Variants in PCDHGA10 observed in about 807,000 individuals in gnomAD.
The protein encoded by PCDHGA10 is protocadherin gamma-A10.
PCDHGA10 carries 42 observed loss-of-function variants against 59.5 expected under a neutral mutation model. That is an observed-to-expected ratio of 0.71 (90% CI 0.55 to 0.91). The LOEUF (loss-of-function observed/expected upper bound fraction) is 0.91, where lower values mean the gene tolerates loss of function less well. PCDHGA10 is among the 40% of genes least tolerant of loss of function. The pLI, the probability that PCDHGA10 is intolerant of heterozygous loss-of-function variation, is 0.00. For missense variants in PCDHGA10, 1,111 were observed against 1,198.2 expected (o/e 0.93, Z 1.07); for synonymous variants, 511 against 517.2 (o/e 0.99, Z 0.16).
At position 141,489,876 on chromosome 5, in the gene PCDHGA10, T is replaced by C. The variant is rs2099693265; in HGVS notation, c.2437-4931T>C. ...CCCAGGCAAGACATCAGCTGGTGCT[T>C]ACTGCTGTGGATGGGGGGACCCCAG... On this transcript the variant is annotated intron_variant, in intron 1 of 3. Transcript: ENST00000398610. This position sits in a 1 kb window ranked among gnomAD's most constrained non-coding sequence, Gnocchi z 4.5. The C allele has an allele frequency of 6.2e-7, 1 of 1,614,098 alleles. No homozygotes were observed. The highest frequency in any genetic ancestry group is 1.1e-5 in the South Asian group (1 of 91,094).
rs147522770 is a variant in PCDHGA10, at chr5:141,504,573, C to T, written c.2496-820C>T. On this transcript the variant is annotated intron_variant, in intron 2 of 3. Coordinates refer to ENST00000398610, the MANE Select transcript of PCDHGA10 (RefSeq NM_018913.3). ...TGGGGGACTGGCATTCTAGGGAACA[C>T]CATCTGCCCAGGATTCACAGCAAGA... Among the ~76,000 whole-genome samples the T allele has an allele frequency of 5.4e-5, 8 of 148,158 alleles. No individual in the cohort carries two copies. In the East Asian group the frequency reaches 1.6e-3, roughly 30 times the overall value.
chr5:141,487,438 G>A lies in PCDHGA10; in HGVS notation c.2437-7369G>A, dbSNP rs2154580826. 6 of 1,614,174 alleles carry A rather than the reference G, an allele frequency of 3.7e-6. No individual in the cohort carries two copies. Among genetic ancestry groups the A allele is most frequent in the East Asian group, 2.2e-5 (1 of 44,866 alleles). On this transcript the variant is annotated intron_variant, in intron 1 of 3. Transcript: ENST00000398610. This position sits in a 1 kb window ranked among gnomAD's most constrained non-coding sequence, Gnocchi z 5.0. The stretch of plus-strand genomic sequence containing the variant: ...ATGGGATCCTCCGAATCCAGCTAGG[G>A]TCAGATGACCCTATCAAGTTTGTTG...
In PCDHGA10 at chr5:141,487,265, G is replaced by A; in HGVS notation, c.2437-7542G>A. 2 of 1,614,158 alleles carry A rather than the reference G, an allele frequency of 1.2e-6. 1 individual carries two copies. Among genetic ancestry groups the A allele is most frequent in the South Asian group, 2.2e-5 (2 of 91,084 alleles). On this transcript the variant is annotated intron_variant, in intron 1 of 3. Transcript: ENST00000398610. The surrounding 1 kb of genome is among the most constrained non-coding windows in gnomAD (Gnocchi z 5.0). Reference sequence around the variant, plus strand: ...AACCCTCTACTTGGCTGTGTCCCTAGTGGCAATTTGCTTTGTCTCCTTTGG... The same window carrying A: ...AACCCTCTACTTGGCTGTGTCCCTAATGGCAATTTGCTTTGTCTCCTTTGG...
chr5:141,494,844 C>T lies in PCDHGA10; in HGVS notation c.2474C>T (p.Ala825Val). The change falls in exon 2 of 4, where the codon GCC becomes GTC. Residue 825 changes from alanine to valine, a missense_variant. Ala to Val is a moderately conservative substitution (Grantham distance 64). Coordinates refer to ENST00000398610, the MANE Select transcript of PCDHGA10 (RefSeq NM_018913.3). ...PPNTDWRFSQ[A>V]QRPGTSGSQN... The stretch of plus-strand genomic sequence containing the variant: ...AACACGGACTGGCGTTTCTCTCAGG[C>T]CCAGAGACCCGGCACCAGCGGGTAG... The T allele has an allele frequency of 6.2e-7, 1 of 1,614,190 alleles. No homozygotes were observed. The highest frequency in any genetic ancestry group is 8.5e-7 in the Non-Finnish European group (1 of 1,180,028).
chr5:141,508,062 C>T (rs910730855), intron 3 of PCDHGA10: 2 of 152,316 alleles, frequency 1.3e-5, no homozygotes, highest in African/African-American at 4.8e-5. Flanking sequence ...TAATCAGCCT[C>T]CTTGGGCTAC....
intron 1 of PCDHGA10, chr5:141,417,592 TG>T: frequency 2.1e-6 from 1 of 485,078 alleles, no homozygotes; most frequent in Non-Finnish European, 3.5e-6. Context: ...ACAGAGCCTC[TG>T]GGCGCCGCCG....
In PCDHGA10 at chr5:141,489,307, T is replaced by A; in HGVS notation, c.2437-5500T>A. On this transcript the variant is annotated intron_variant, in intron 1 of 3. Transcript: ENST00000398610. The surrounding 1 kb of genome is among the most constrained non-coding windows in gnomAD (Gnocchi z 4.5). ...AGTGCTGTGCATGTTGTCCTTGTGCTGCTGGGGCTGGGTGTCTGGGCAGCT... is the reference window on the plus strand; with the variant it reads ...AGTGCTGTGCATGTTGTCCTTGTGCAGCTGGGGCTGGGTGTCTGGGCAGCT... The A allele has an allele frequency of 6.3e-7, 1 of 1,591,138 alleles. No individual in the cohort carries two copies. The highest frequency in any genetic ancestry group is 8.6e-7 in the Non-Finnish European group (1 of 1,168,222).
In PCDHGA10 at chr5:141,476,789, T is replaced by A. The variant is rs762462741; in HGVS notation, c.2437-18018T>A. On this transcript the variant is annotated intron_variant, in intron 1 of 3. Coordinates refer to ENST00000398610, the MANE Select transcript of PCDHGA10 (RefSeq NM_018913.3). The surrounding 1 kb of genome is among the most constrained non-coding windows in gnomAD (Gnocchi z 7.6). ...GTTGGACGGAGGGACCCCAGCTCTCTCCGCCAGCCTGCCTATTCACATCAA... is the reference window on the plus strand; with the variant it reads ...GTTGGACGGAGGGACCCCAGCTCTCACCGCCAGCCTGCCTATTCACATCAA... 1.3e-5 allele frequency: 21 copies of A among 1,613,374 alleles called. No individual in the cohort carries two copies. Among genetic ancestry groups the A allele is most frequent in the Non-Finnish European group, 1.7e-5 (20 of 1,180,016 alleles).
chr5:141,423,816 T>C lies in PCDHGA10; in HGVS notation c.2436+8205T>C, dbSNP rs1205974775. ...TTAGAGCAATACATGTGAGTTTTACTTTGCCTTTCATGAGATTACGATAAT... is the reference window on the plus strand; with the variant it reads ...TTAGAGCAATACATGTGAGTTTTACCTTGCCTTTCATGAGATTACGATAAT... On this transcript the variant is annotated intron_variant, in intron 1 of 3. Transcript: ENST00000398610. 3 of 1,273,904 alleles carry C rather than the reference T, an allele frequency of 2.4e-6. No individual in the cohort carries two copies. The African/African-American group carries it at 4.7e-5, about 20-fold the overall frequency. 78.9% of individuals were successfully genotyped at this position (1,273,904 alleles called of 1,614,324 possible).
At chr5:141,441,102 C>G (rs1057297804) in intron 1 of PCDHGA10, 1 of 152,148 alleles carries the variant, frequency 6.6e-6, no homozygotes, top group East Asian at 1.9e-4. Context: ...GAGAGGGACT[C>G]ATTGTCCAGT....
Position 141,489,160 on chromosome 5 carries a change from C to A in PCDHGA10, c.2437-5647C>A. 1 of 1,029,962 alleles carries A rather than the reference C, an allele frequency of 9.7e-7. No individual in the cohort carries two copies. The highest frequency in any genetic ancestry group is 1.4e-6 in the Non-Finnish European group (1 of 701,366). 63.8% of individuals were successfully genotyped at this position (1,029,962 alleles called of 1,614,324 possible). ...GGCTGGAAGGAGACATAAGAGACTT[C>A]AGCTGCTGCATTCCAAGCCCTGGGT... On this transcript the variant is annotated intron_variant, in intron 1 of 3. Coordinates refer to ENST00000398610, the MANE Select transcript of PCDHGA10 (RefSeq NM_018913.3). The surrounding 1 kb of genome is among the most constrained non-coding windows in gnomAD (Gnocchi z 4.5).
At chr5:141,421,376 C>T in intron 1 of PCDHGA10, 2 of 1,614,030 alleles carry the variant, frequency 1.2e-6, no homozygotes, top group Non-Finnish European at 1.7e-6. Context: ...GGCAATATCT[C>T]CAAGGACCTG....
intron 3 of PCDHGA10, among the ~76,000 whole-genome samples, chr5:141,505,766 C>T (rs1420683619): frequency 2.0e-5 from 3 of 151,768 alleles, no homozygotes; most frequent in African/African-American, 4.8e-5. Context: ...CAGTGTAGCT[C>T]AGGTCCTAGC....
At chr5:141,466,279 T>A (rs1386803685) in intron 1 of PCDHGA10, among the ~76,000 whole-genome samples, 1 of 152,144 alleles carries the variant, frequency 6.6e-6, no homozygotes, top group Non-Finnish European at 1.5e-5. Flanking sequence ...CAAGCAATCT[T>A]CCCACCTCAG....
Position 141,477,060 on chromosome 5 carries a change from C to G in PCDHGA10, c.2437-17747C>G. On this transcript the variant is annotated intron_variant, in intron 1 of 3. Coordinates refer to ENST00000398610, the MANE Select transcript of PCDHGA10 (RefSeq NM_018913.3). The surrounding 1 kb of genome is among the most constrained non-coding windows in gnomAD (Gnocchi z 4.9). ...AAGGGTCGGCTGGACTTCGAGGACA[C>G]CAAACTCCATGAGATTTACATCCAG... The G allele has an allele frequency of 1.2e-6, 2 of 1,614,256 alleles. No individual in the cohort carries two copies. The highest frequency in any genetic ancestry group is 2.2e-5 in the South Asian group (2 of 91,086).
chr5:141,509,292 T>A (rs1407798154), intron 3 of PCDHGA10, among the ~76,000 whole-genome samples: 1 of 152,028 alleles, frequency 6.6e-6, no homozygotes, highest in Non-Finnish European at 1.5e-5. Context: ...GGGTCCAGGG[T>A]GGAGGCAGAG....
chr5:141,478,428 C>T (rs2154576655), intron 1 of PCDHGA10: 1 of 1,613,746 alleles, frequency 6.2e-7, no homozygotes, highest in Non-Finnish European at 8.5e-7. Flanking sequence ...CGCAGCGACC[C>T]GCTGCTGAAG....
chr5:141,436,859 A>T (rs550974791), intron 1 of PCDHGA10, among the ~76,000 whole-genome samples: 1 of 152,250 alleles, frequency 6.6e-6, no homozygotes, highest in Non-Finnish European at 1.5e-5. Flanking sequence ...TTGAGAAGCC[A>T]CAGTTTTAGG....
At position 141,476,418 on chromosome 5, in the gene PCDHGA10, T is replaced by C. The variant is rs201255025; in HGVS notation, c.2437-18389T>C. On this transcript the variant is annotated intron_variant, in intron 1 of 3. Transcript: ENST00000398610. This position sits in a 1 kb window ranked among gnomAD's most constrained non-coding sequence, Gnocchi z 7.6. The stretch of plus-strand genomic sequence containing the variant: ...GATCGAGAGGAGCTGTGTGGGACAC[T>C]GCCCTCTTGCACTGTAACTCTGGAG... 6.2e-7 allele frequency: 1 copy of C among 1,614,122 alleles called. No individual in the cohort carries two copies. Among genetic ancestry groups the C allele is most frequent in the Non-Finnish European group, 8.5e-7 (1 of 1,180,002 alleles).
Sources: allele counts gnomAD v4.1 joint callset (sites outside exome capture counted in the v4.1 genomes callset), GRCh38; gene constraint gnomAD v4.1.1; non-coding constraint Gnocchi (gnomAD v3.1); transcripts MANE v1.5; gene names NCBI Gene and HGNC (gene_info 2026-07-23, HGNC 2026-07-21).